Variants in DTD1 observed in about 807,000 individuals in gnomAD.
The protein encoded by DTD1 is D-tyrosyl-tRNA deacylase 1 homolog.
DTD1 carries 13 observed loss-of-function variants against 25.6 expected under a neutral mutation model. The observed-to-expected ratio is 0.51, with a 90% CI of 0.33 to 0.81. DTD1 has a LOEUF of 0.81. DTD1 is among the 30% of genes least tolerant of loss of function. The probability of loss-of-function intolerance (pLI) is 0.02; values close to 1 mark genes in which losing one functional copy is unlikely to be tolerated. For missense variants in DTD1, 193 were observed against 266.4 expected (o/e 0.72, Z 1.92); for synonymous variants, 110 against 103.6 (o/e 1.06, Z -0.37).
intron 3 of DTD1, among the ~76,000 whole-genome samples, chr20:18,617,403 T>C (rs901980816): frequency 6.6e-6 from 1 of 150,678 alleles, no homozygotes; most frequent in Non-Finnish European, 1.5e-5. Flanking sequence ...CACACACATA[T>C]ATATTTGTGA....
intron 4 of DTD1, among the ~76,000 whole-genome samples, chr20:18,708,251 A>ATATT (rs1249827619): frequency 0.014 from 374 of 27,342 alleles, 12 homozygotes; most frequent in Non-Finnish European, 0.017. Flanking sequence ...TATAATATAT[A>ATATT]TTATATATAT....
At position 18,656,599 on chromosome 20, in the gene DTD1, A is replaced by T. The variant is rs1275729038; in HGVS notation, c.477+28366A>T. ...AGCACATGGATGCTGGGGGAGCACT[A>T]TGTCTGCCTCGCTCCTCTGGTCGTC... is the stretch of plus-strand genomic sequence containing the variant. On this transcript the variant is annotated intron_variant, in intron 4 of 5. Transcript: ENST00000377452. Among the ~76,000 whole-genome samples, 4 of 152,148 alleles carry T rather than the reference A, an allele frequency of 2.6e-5. No homozygotes were observed. The South Asian group carries it at 8.3e-4, about 32-fold the overall frequency.
At chr20:18,730,403 C>A (rs1215469517) in intron 4 of DTD1, among the ~76,000 whole-genome samples, 1 of 152,180 alleles carries the variant, frequency 6.6e-6, no homozygotes, top group East Asian at 1.9e-4. Flanking sequence ...TCCCAAGGCC[C>A]AAATTTATAC....
chr20:18,738,858 A>G (rs1020822950), intron 4 of DTD1, among the ~76,000 whole-genome samples: 1 of 152,254 alleles, frequency 6.6e-6, no homozygotes, highest in African/African-American at 2.4e-5. Context: ...ATTAAGAGCA[A>G]ACAAGGTCAC....
intron 5 of DTD1, among the ~76,000 whole-genome samples, chr20:18,755,323 G>A (rs1030007184): frequency 2.0e-5 from 3 of 152,114 alleles, no homozygotes; most frequent in African/African-American, 7.2e-5. Context: ...ACAACGTGCA[G>A]GTTTGTTACA....
intron 4 of DTD1, among the ~76,000 whole-genome samples, chr20:18,655,920 C>T (rs1453225158): frequency 2.6e-5 from 4 of 152,108 alleles, no homozygotes; most frequent in African/African-American, 9.7e-5. Flanking sequence ...CAGGCATGCG[C>T]CACCACACCC....
At chr20:18,687,333 G>A (rs1371096555) in intron 4 of DTD1, among the ~76,000 whole-genome samples, 1 of 152,124 alleles carries the variant, frequency 6.6e-6, no homozygotes, top group Non-Finnish European at 1.5e-5. Flanking sequence ...GGGGGTGTCA[G>A]GACCAGGGAC....
intron 4 of DTD1, among the ~76,000 whole-genome samples, chr20:18,673,869 A>G (rs970635512): frequency 6.6e-6 from 1 of 151,948 alleles, no homozygotes; most frequent in Non-Finnish European, 1.5e-5. Flanking sequence ...TTAGAGAAAA[A>G]TGTTTCTCTA....
chr20:18,695,491 T>TG (rs1568671871), intron 4 of DTD1, among the ~76,000 whole-genome samples: 1 of 1,778 alleles, frequency 5.6e-4, no homozygotes, highest in African/African-American at 1.6e-3. Flanking sequence ...CTTCCCTTCC[T>TG]TTCCTTTCCC....
intron 3 of DTD1, among the ~76,000 whole-genome samples, chr20:18,598,590 C>T (rs572709607): frequency 4.0e-4 from 61 of 151,986 alleles, no homozygotes; most frequent in Admixed American, 2.0e-3. Flanking sequence ...CTCTGCCTCC[C>T]GGGCTCATGC....
intron 4 of DTD1, among the ~76,000 whole-genome samples, chr20:18,695,257 G>T (rs1225897542): frequency 6.6e-6 from 1 of 151,870 alleles, no homozygotes; most frequent in African/African-American, 2.4e-5. Context: ...GGGAGAAAAT[G>T]AGATTGATAC....
Position 18,749,747 on chromosome 20 carries a change from A to G in DTD1, c.*19+5476A>G, listed in dbSNP as rs182936093. ...AGGGCCCAGGTGCTGAGCTGCACCA[A>G]CCACCCTGCCACAGAGGACACTGAG... On this transcript the variant is annotated intron_variant, in intron 5 of 5. Coordinates refer to ENST00000377452, the MANE Select transcript of DTD1 (RefSeq NM_080820.6). The surrounding 1 kb of genome is among the most constrained non-coding windows in gnomAD (Gnocchi z 4.2). Among the ~76,000 whole-genome samples, 789 of 152,258 alleles carry G rather than the reference A, an allele frequency of 5.2e-3. 8 individuals carry two copies. Among genetic ancestry groups the G allele is most frequent in the African/African-American group, 0.018 (765 of 41,534 alleles).
At chr20:18,608,233 G>A (rs1600314681) in intron 3 of DTD1, among the ~76,000 whole-genome samples, 3 of 151,618 alleles carry the variant, frequency 2.0e-5, no homozygotes, top group African/African-American at 7.3e-5. Context: ...TTTCATTTTC[G>A]ATATTGGTGA....
At chr20:18,617,391 T>C (rs1347775152) in intron 3 of DTD1, among the ~76,000 whole-genome samples, 4 of 150,180 alleles carry the variant, frequency 2.7e-5, no homozygotes, top group Non-Finnish European at 4.4e-5. Flanking sequence ...TATATACATA[T>C]ACACACACAT....
intron 1 of DTD1, chr20:18,588,787 C>A (rs1032733483): frequency 1.0e-6 from 1 of 985,322 alleles, no homozygotes; most frequent in Non-Finnish European, 1.2e-6. Context: ...GACCAAGCTA[C>A]CCGACCCCTG....
intron 4 of DTD1, among the ~76,000 whole-genome samples, chr20:18,690,455 T>G (rs1433130664): frequency 6.6e-6 from 1 of 152,224 alleles, no homozygotes; most frequent in Non-Finnish European, 1.5e-5. Context: ...AGGTTTTTCT[T>G]TCAGTATTTT....
At chr20:18,600,697 T>C (rs529385714) in intron 3 of DTD1, among the ~76,000 whole-genome samples, 2 of 152,342 alleles carry the variant, frequency 1.3e-5, no homozygotes, top group African/African-American at 4.8e-5. Context: ...TGGGAAGAAC[T>C]GACACCTTGA....
intron 4 of DTD1, among the ~76,000 whole-genome samples, chr20:18,685,849 G>T (rs1872140386): frequency 6.6e-6 from 1 of 152,214 alleles, no homozygotes; most frequent in Non-Finnish European, 1.5e-5. Flanking sequence ...AAGCCAGGCA[G>T]ATAAGTTCCC....
At chr20:18,651,525 A>G (rs1011214843) in intron 4 of DTD1, among the ~76,000 whole-genome samples, 4 of 152,168 alleles carry the variant, frequency 2.6e-5, no homozygotes, top group South Asian at 2.1e-4. Flanking sequence ...TGCCTCCAGT[A>G]TATTCTGATA....
Sources: allele counts gnomAD v4.1 joint callset (sites outside exome capture counted in the v4.1 genomes callset), GRCh38; gene constraint gnomAD v4.1.1; non-coding constraint Gnocchi (gnomAD v3.1); transcripts MANE v1.5; gene names NCBI Gene and HGNC (gene_info 2026-07-23, HGNC 2026-07-21).